Variants in ITPR2 observed in about 807,000 individuals in gnomAD.
The protein encoded by ITPR2 is inositol 1,4,5-trisphosphate-gated calcium channel ITPR2.
ITPR2 carries 207 observed loss-of-function variants against 317.1 expected under a neutral mutation model. The ratio of observed to expected loss-of-function variants is 0.65; its 90% CI spans 0.58 to 0.73. The LOEUF (loss-of-function observed/expected upper bound fraction) is 0.73, where lower values mean the gene tolerates loss of function less well. ITPR2 is among the 30% of genes least tolerant of loss of function. The pLI is 0.00. For missense variants in ITPR2, 2,613 were observed against 3,284.0 expected (o/e 0.80, Z 4.99); for synonymous variants, 1,156 against 1,149.1 (o/e 1.01, Z -0.12).
At chr12:26,371,566 G>A (rs1939191232) in intron 55 of ITPR2, among the ~76,000 whole-genome samples, 1 of 152,196 alleles carries the variant, frequency 6.6e-6, no homozygotes, top group Non-Finnish European at 1.5e-5. Flanking sequence ...GTCTTTAGGT[G>A]GATTGGCCAC....
chr12:26,742,969 G>A (rs908036241), intron 2 of ITPR2, among the ~76,000 whole-genome samples: 1 of 152,176 alleles, frequency 6.6e-6, no homozygotes, highest in East Asian at 1.9e-4. Flanking sequence ...TATACAGATG[G>A]AAAGGAGCTT....
intron 11 of ITPR2, 76 bp from the exon 12 acceptor site, chr12:26,682,749 ATATAT>A: frequency 1.2e-6 from 1 of 817,552 alleles, no homozygotes; most frequent in South Asian, 1.6e-5. Flanking sequence ...TAACAGTTTC[ATATAT>A]TATATGAACA....
At chr12:26,696,027 T>C (rs1029796329) in intron 9 of ITPR2, among the ~76,000 whole-genome samples, 1 of 152,172 alleles carries the variant, frequency 6.6e-6, no homozygotes, top group African/African-American at 2.4e-5. Context: ...GGGACATTGA[T>C]GATTTGAGAT....
chr12:26,695,489 A>G (rs1357379140), intron 10 of ITPR2, 117 bp downstream of exon 10: 3 of 797,304 alleles, frequency 3.8e-6, no homozygotes, highest in African/African-American at 3.5e-5. Context: ...CATAGGCTCT[A>G]CTCAGAAAAT....
chr12:26,750,743 C>T (rs1424484598), intron 2 of ITPR2, among the ~76,000 whole-genome samples: 1 of 152,058 alleles, frequency 6.6e-6, no homozygotes, highest in Non-Finnish European at 1.5e-5. Context: ...TAAGCAAAGT[C>T]CTGACGCAGA....
rs769494354 is a variant in ITPR2 at position 26,387,479 on chromosome 12, T to G, written c.7812A>C (p.Pro2604=). The G allele has an allele frequency of 1.9e-6, 3 of 1,613,792 alleles. No homozygotes were observed. The African/African-American group carries it at 4.0e-5, about 22-fold the overall frequency. The change falls in exon 55 of 57, where the codon CCA becomes CCC. Residue 2604 remains proline, a synonymous_variant. Coordinates refer to ENST00000381340, the MANE Select transcript of ITPR2 (RefSeq NM_002223.4). ...YFIVLVKVKD[P]TEYTGPESYV... ...AACTTTCAGGTCCAGTGTATTCTGT[T>G]GGGTCTTTAACTTTCACCAGGACTA...
chr12:26,794,858 CT>C (rs1950403316), intron 1 of ITPR2, among the ~76,000 whole-genome samples: 1 of 152,218 alleles, frequency 6.6e-6, no homozygotes, highest in African/African-American at 2.4e-5. Context: ...AGACCAAAGA[CT>C]TGGCTCCCTC....
At chr12:26,446,143 GATAACTGATGAAAAGCAGCT>G (rs1446357653) in intron 45 of ITPR2, among the ~76,000 whole-genome samples, 1 of 152,078 alleles carries the variant, frequency 6.6e-6, no homozygotes, top group Non-Finnish European at 1.5e-5. Flanking sequence ...GGAGGTGTTG[GATAACTGATGAAAAGCAGCT>G]ATAAAATAGC....
chr12:26,571,083 T>G (rs1187114170), intron 34 of ITPR2, among the ~76,000 whole-genome samples: 1 of 152,218 alleles, frequency 6.6e-6, no homozygotes, highest in Non-Finnish European at 1.5e-5. Flanking sequence ...TCTTATCAAT[T>G]TCAAGTCCTA....
intron 45 of ITPR2, among the ~76,000 whole-genome samples, chr12:26,472,583 G>A (rs529155771): frequency 2.6e-5 from 4 of 151,108 alleles, no homozygotes; most frequent in South Asian, 4.2e-4. Flanking sequence ...TTGTTTTAAC[G>A]CCTTGTAACA....
At chr12:26,364,487 A>G (rs564362882) in intron 55 of ITPR2, among the ~76,000 whole-genome samples, 10 of 152,352 alleles carry the variant, frequency 6.6e-5, no homozygotes, top group African/African-American at 1.9e-4. Context: ...CAGAGCTGGT[A>G]AGTGGGAAAG....
At chr12:26,628,491 C>T (rs562937862) in intron 22 of ITPR2, among the ~76,000 whole-genome samples, 9 of 152,272 alleles carry the variant, frequency 5.9e-5, no homozygotes, top group African/African-American at 1.9e-4. Flanking sequence ...TTACAGAGTG[C>T]CATTGTCTCT....
rs76885580 is a variant in ITPR2, at chr12:26,725,104, T to C, written c.280-362A>G. ...TTTTATGTTGGACATTTCAGAAAAG[T>C]ACTAGGCTCTTTGTTCTTTTAAAAT... is the stretch of plus-strand genomic sequence containing the variant. On this transcript the variant is annotated intron_variant, in intron 3 of 56. Transcript: ENST00000381340. 8.2e-3 allele frequency among the ~76,000 whole-genome samples: 1,256 copies of C among 152,300 alleles called. 17 individuals are homozygous for C. Among genetic ancestry groups the C allele is most frequent in the African/African-American group, 0.028 (1,160 of 41,576 alleles).
At chr12:26,680,468 T>G (rs182997148) in intron 13 of ITPR2, among the ~76,000 whole-genome samples, 41 of 152,288 alleles carry the variant, frequency 2.7e-4, no homozygotes, top group African/African-American at 9.9e-4. Context: ...TTTTTTAAAT[T>G]TTTTTAACTC....
intron 34 of ITPR2, among the ~76,000 whole-genome samples, chr12:26,568,891 C>G (rs918322919): frequency 6.6e-6 from 1 of 152,154 alleles, no homozygotes; most frequent in African/African-American, 2.4e-5. Context: ...TTCATCTTTC[C>G]TGTTTGGCAC....
intron 45 of ITPR2, among the ~76,000 whole-genome samples, chr12:26,468,234 T>C (rs1337865971): frequency 1.3e-5 from 2 of 152,136 alleles, no homozygotes; most frequent in South Asian, 2.1e-4. Flanking sequence ...CAGAAGGAGA[T>C]ATTCTATTAG....
At chr12:26,777,990 A>G (rs1565756658) in intron 2 of ITPR2, among the ~76,000 whole-genome samples, 1 of 152,200 alleles carries the variant, frequency 6.6e-6, no homozygotes, top group Non-Finnish European at 1.5e-5. Flanking sequence ...TCCTCCAGTC[A>G]AAGTAAGGGC....
chr12:26,493,387 T>G (rs770981267), intron 39 of ITPR2, among the ~76,000 whole-genome samples: 1 of 152,172 alleles, frequency 6.6e-6, no homozygotes, highest in Non-Finnish European at 1.5e-5. Context: ...AATTATATAC[T>G]TAGTAGTAAG....
chr12:26,567,958 A>ATATATATAT (rs1945023650), intron 34 of ITPR2, among the ~76,000 whole-genome samples: 1 of 25,686 alleles, frequency 3.9e-5, no homozygotes, highest in African/African-American at 1.1e-4. Flanking sequence ...TATTATATAT[A>ATATATATAT]TATATATATA....
Sources: allele counts gnomAD v4.1 joint callset (sites outside exome capture counted in the v4.1 genomes callset), GRCh38; gene constraint gnomAD v4.1.1; transcripts MANE v1.5; gene names NCBI Gene and HGNC (gene_info 2026-07-23, HGNC 2026-07-21).